Variants in CNOT7 observed in about 807,000 individuals in gnomAD.
The protein encoded by CNOT7 is CCR4-NOT transcription complex subunit 7, also known as BTG1-binding factor 1.
Under a neutral mutation model 37.1 loss-of-function variants are expected in CNOT7, and 4 were observed. The observed-to-expected ratio is 0.11, with a 90% CI of 0.05 to 0.25. The LOEUF (loss-of-function observed/expected upper bound fraction) is 0.25, where lower values mean the gene tolerates loss of function less well. CNOT7 is among the 10% of genes least tolerant of loss of function. The pLI is 1.00. For missense variants in CNOT7, 170 were observed against 336.2 expected, an observed-to-expected ratio of 0.51 and a Z score of 3.87; for synonymous variants, 128 against 115.6, an observed-to-expected ratio of 1.11 and a Z score of -0.69.
In CNOT7 at chr8:17,228,121, A is replaced by C. The variant is rs1382226872; in HGVS notation, c.*2599T>G. 1 of 151,908 alleles carries C rather than the reference A, an allele frequency of 6.6e-6. No individual in the cohort carries two copies. Among genetic ancestry groups the C allele is most frequent in the Non-Finnish European group, 1.5e-5 (1 of 67,822 alleles). 9.4% of individuals were successfully genotyped at this position (151,908 alleles called of 1,614,324 possible). On this transcript the variant is annotated 3_prime_UTR_variant, in exon 7 of 7. Coordinates refer to ENST00000361272, the MANE Select transcript of CNOT7 (RefSeq NM_013354.7). ...ATGTAATTTTCAGATGTCAGGAAAT[A>C]ATCTTTTGATTATTTTTCCCAACCA... is the stretch of plus-strand genomic sequence containing the variant.
At chr8:17,238,554 A>C (rs1809698290) in intron 3 of CNOT7, among the ~76,000 whole-genome samples, 1 of 151,110 alleles carries the variant, frequency 6.6e-6, no homozygotes, top group Non-Finnish European at 1.5e-5. Context: ...TTCCTATGCT[A>C]AAAATATGTA....
At chr8:17,239,377 C>CT (rs1192305624) in intron 3 of CNOT7, among the ~76,000 whole-genome samples, 3 of 152,094 alleles carry the variant, frequency 2.0e-5, no homozygotes, top group South Asian at 4.2e-4. Flanking sequence ...ATGGCACTCT[C>CT]TATCTCCTTC....
chr8:17,243,321 T>C, intron 2 of CNOT7, 136 bp from the exon 3 acceptor site: 1 of 698,736 alleles, frequency 1.4e-6, no homozygotes, highest in Non-Finnish European at 2.4e-6. Context: ...AAGTATATTT[T>C]AACTAGAAAG....
At chr8:17,243,247 T>G in intron 2 of CNOT7, 62 bp from the exon 3 acceptor site, 1 of 1,332,292 alleles carries the variant, frequency 7.5e-7, no homozygotes, top group South Asian at 1.4e-5. Context: ...CCACACATTT[T>G]TAATTTTTGA....
intron 3 of CNOT7, chr8:17,241,530 C>T (rs946751586): frequency 6.6e-6 from 1 of 152,060 alleles, no homozygotes; most frequent in Non-Finnish European, 1.5e-5. Context: ...GTTTATCTGA[C>T]AAAGAACAGG....
chr8:17,240,352 A>T (rs80237249), intron 3 of CNOT7, among the ~76,000 whole-genome samples: 4 of 146,668 alleles, frequency 2.7e-5, no homozygotes, highest in South Asian at 2.2e-4. Flanking sequence ...ACATTTTGAG[A>T]TTTTTTTTTT....
At chr8:17,242,379 A>G (rs970727400) in intron 3 of CNOT7, 3 of 152,322 alleles carry the variant, frequency 2.0e-5, no homozygotes, top group African/African-American at 7.2e-5. Flanking sequence ...TATTAATAAT[A>G]CAGAAATATT....
intron 5 of CNOT7, among the ~76,000 whole-genome samples, chr8:17,232,842 T>G (rs1003147310): frequency 6.6e-6 from 1 of 152,320 alleles, no homozygotes; most frequent in South Asian, 2.1e-4. Context: ...TATAGGGTAA[T>G]ATTTATCAAG....
intron 5 of CNOT7, chr8:17,234,497 T>G (rs993241106): frequency 3.9e-6 from 2 of 506,440 alleles, no homozygotes; most frequent in Non-Finnish European, 7.1e-6. Flanking sequence ...TGAAATGTGT[T>G]GAAAATTCTG....
rs143669028 is a variant in CNOT7, at chr8:17,238,289, A to C, written c.312-916T>G. On this transcript the variant is annotated intron_variant, in intron 3 of 6. Transcript: ENST00000361272. ...CTCTTGGCAAAAGGAATTCCTATTA[A>C]ACACTTGACAAATCTAAACCATGGG... 5.8e-3 allele frequency among the ~76,000 whole-genome samples: 881 copies of C among 152,336 alleles called. 11 individuals carry two copies. Among genetic ancestry groups the C allele is most frequent in the Admixed American group, 9.2e-3 (141 of 15,304 alleles).
rs1808328819 is a variant in CNOT7 at position 17,228,857 on chromosome 8, A to C, written c.*1863T>G. The C allele has an allele frequency of 6.6e-6, 1 of 152,010 alleles. No homozygotes were observed. Among genetic ancestry groups the C allele is most frequent in the Admixed American group, 6.6e-5 (1 of 15,250 alleles). The allele number at this position is 152,010 out of a possible 1,614,324, so 9.4% of individuals were successfully genotyped here. ...CTCAGCTAACAAATCACAAGCGAAA[A>C]GAAGCTTCACTTCCTTTTTAACGAA... is the stretch of plus-strand genomic sequence containing the variant. On this transcript the variant is annotated 3_prime_UTR_variant, in exon 7 of 7. Coordinates refer to ENST00000361272, the MANE Select transcript of CNOT7 (RefSeq NM_013354.7).
At chr8:17,241,082 T>G (rs925718582) in intron 3 of CNOT7, among the ~76,000 whole-genome samples, 1 of 152,158 alleles carries the variant, frequency 6.6e-6, no homozygotes, top group Non-Finnish European at 1.5e-5. Context: ...TACAGGTATT[T>G]TTAGAGACAA....
rs1808255021 is a variant in CNOT7, at chr8:17,227,726, A to G, written c.*2994T>C. ...TCTGATACTGTCAGTCTATTCTTTT[A>G]CCAGTTATGGTGACACTGCATTATA... is the stretch of plus-strand genomic sequence containing the variant. On this transcript the variant is annotated 3_prime_UTR_variant, in exon 7 of 7. Transcript: ENST00000361272. 1 of 151,888 alleles carries G rather than the reference A, an allele frequency of 6.6e-6. No individual in the cohort carries two copies. The highest frequency in any genetic ancestry group is 1.5e-5 in the Non-Finnish European group (1 of 67,820). The allele number at this position is 151,888 out of a possible 1,614,324, so 9.4% of individuals were successfully genotyped here.
intron 2 of CNOT7, among the ~76,000 whole-genome samples, chr8:17,244,008 A>G: frequency 6.6e-6 from 1 of 152,212 alleles, no homozygotes; most frequent in East Asian, 1.9e-4. Flanking sequence ...AAGAATAAAA[A>G]CTACCTATCA....
At chr8:17,234,171 C>G (rs534524495) in intron 5 of CNOT7, among the ~76,000 whole-genome samples, 2 of 152,338 alleles carry the variant, frequency 1.3e-5, no homozygotes, top group East Asian at 1.9e-4. Flanking sequence ...CTGTAACAAG[C>G]TGACATCTTT....
intron 6 of CNOT7, 73 bp from the exon 7 acceptor site, chr8:17,230,921 C>T: frequency 2.7e-6 from 3 of 1,101,392 alleles, no homozygotes; most frequent in Non-Finnish European, 3.9e-6. Context: ...TATATTTCAG[C>T]AATGTAAGTA....
chr8:17,240,265 A>T (rs113899477), intron 3 of CNOT7, among the ~76,000 whole-genome samples: 2 of 152,148 alleles, frequency 1.3e-5, no homozygotes, highest in Non-Finnish European at 2.9e-5. Context: ...AGCTTGTCCA[A>T]CCTGCAGCCA....
rs1325011399 is a variant in CNOT7, at chr8:17,230,626, G to A, written c.*94C>T. 4 of 1,047,060 alleles carry A rather than the reference G, an allele frequency of 3.8e-6. No homozygotes were observed. Among genetic ancestry groups the A allele is most frequent in the Non-Finnish European group, 5.3e-6 (4 of 758,668 alleles). 64.9% of individuals were successfully genotyped at this position (1,047,060 alleles called of 1,614,324 possible). A position where few individuals can be genotyped will look rare whatever the true frequency, so the allele number is the denominator to read the frequency against. ...AATGGGCCATGAAAGGGGGGGGAAA[G>A]GTACTGTCTATTGTTCGAGGGATTC... On this transcript the variant is annotated 3_prime_UTR_variant, in exon 7 of 7. Coordinates refer to ENST00000361272, the MANE Select transcript of CNOT7 (RefSeq NM_013354.7).
At chr8:17,236,833 CAAT>C (rs1169438206) in intron 4 of CNOT7, among the ~76,000 whole-genome samples, 1 of 152,140 alleles carries the variant, frequency 6.6e-6, no homozygotes, top group African/African-American at 2.4e-5. Context: ...GGTAAATACT[CAAT>C]AACGTTGTGT....
Sources: gnomAD v4.1 joint callset for allele counts (sites outside exome capture counted in the v4.1 genomes callset) on GRCh38, gnomAD v4.1.1 for gene constraint, MANE v1.5 for transcripts, NCBI Gene and HGNC (gene_info 2026-07-23, HGNC 2026-07-21) for gene names.